Variants in PITPNM2 observed in about 807,000 individuals in gnomAD.
PITPNM2 encodes the protein phosphatidylinositol transfer protein membrane associated 2.
PITPNM2 carries 35 observed loss-of-function variants against 132.2 expected under a neutral mutation model. That is an observed-to-expected ratio of 0.26 (90% confidence interval 0.20 to 0.35). PITPNM2 has a LOEUF of 0.35. Among genes scored for constraint, PITPNM2 ranks in the 10% least tolerant of loss-of-function variants. The pLI is 1.00. For missense variants in PITPNM2, 1,332 were observed against 1,912.0 expected, an observed-to-expected ratio of 0.70 and a Z score of 5.66; for synonymous variants, 738 against 799.2, an observed-to-expected ratio of 0.92 and a Z score of 1.29.
intron 10 of PITPNM2, among the ~76,000 whole-genome samples, chr12:122,997,975 G>C (rs556963932): frequency 6.6e-6 from 1 of 152,344 alleles, no homozygotes; most frequent in South Asian, 2.1e-4. Context: ...GGTTCAGCCT[G>C]TCTTGGCCTT....
At chr12:123,039,667 C>G (rs557158882) in intron 2 of PITPNM2, among the ~76,000 whole-genome samples, 93 of 152,260 alleles carry the variant, frequency 6.1e-4, no homozygotes, top group African/African-American at 2.0e-3. Context: ...ACAGAAAGTA[C>G]AACATCAAGA....
chr12:123,072,081 T>A (rs2041635476), intron 2 of PITPNM2, among the ~76,000 whole-genome samples: 1 of 152,208 alleles, frequency 6.6e-6, no homozygotes, highest in Admixed American at 6.5e-5. Context: ...AGCCACAGGC[T>A]GTGATAATGG....
At chr12:123,112,713 T>C (rs2042864282) in intron 1 of PITPNM2, among the ~76,000 whole-genome samples, 1 of 152,066 alleles carries the variant, frequency 6.6e-6, no homozygotes, top group Non-Finnish European at 1.5e-5. Context: ...AATTTTTTTG[T>C]ATTTTTAGTA....
intron 16 of PITPNM2, among the ~76,000 whole-genome samples, chr12:122,991,322 A>G (rs1319276154): frequency 6.6e-6 from 1 of 152,204 alleles, no homozygotes; most frequent in Non-Finnish European, 1.5e-5. Context: ...CAGACAAGCC[A>G]CACCTGGACG....
intron 2 of PITPNM2, among the ~76,000 whole-genome samples, chr12:123,107,801 C>G (rs1249463632): frequency 9.2e-5 from 14 of 152,164 alleles, no homozygotes; most frequent in Admixed American, 8.5e-4. Context: ...AGTCCAGGAT[C>G]TGGGGGGAAA....
intron 1 of PITPNM2, among the ~76,000 whole-genome samples, chr12:123,114,858 T>C (rs1167581991): frequency 6.6e-6 from 1 of 152,208 alleles, no homozygotes; most frequent in Non-Finnish European, 1.5e-5. Context: ...CTACCGCTGC[T>C]TCACCTCACT....
chr12:123,025,923 G>A (rs1430268509), intron 3 of PITPNM2, among the ~76,000 whole-genome samples: 3 of 152,154 alleles, frequency 2.0e-5, no homozygotes, highest in African/African-American at 7.2e-5. Context: ...TGAGACGATC[G>A]AGGCTATGAG....
intron 2 of PITPNM2, among the ~76,000 whole-genome samples, chr12:123,070,785 A>G (rs1280217191): frequency 6.6e-6 from 1 of 152,174 alleles, no homozygotes; most frequent in East Asian, 1.9e-4. Context: ...GGTTCTTCAG[A>G]CCAGGCTAGT....
chr12:123,042,801 TC>T (rs1348663903), intron 2 of PITPNM2, among the ~76,000 whole-genome samples: 1 of 152,018 alleles, frequency 6.6e-6, no homozygotes, highest in Non-Finnish European at 1.5e-5. Flanking sequence ...CAGACAAGGC[TC>T]CCCAGGCCTC....
intron 2 of PITPNM2, among the ~76,000 whole-genome samples, chr12:123,079,548 T>C (rs1283363208): frequency 6.6e-6 from 1 of 151,952 alleles, no homozygotes; most frequent in Non-Finnish European, 1.5e-5. Context: ...GGTTTCGCCA[T>C]GTTGGCCAGG....
At position 122,986,552 on chromosome 12, in the gene PITPNM2, C is replaced by A; in HGVS notation, c.3610G>T (p.Val1204Leu). The change falls in exon 25 of 26, where the codon GTG becomes TTG. Residue 1204 changes from valine (V) to leucine (L), a missense_variant. Physicochemically the swap from Val to Leu is conservative, Grantham distance 32. Around this residue, in one of 6 missense-constraint regions of PITPNM2, gnomAD observed 251 missense variants for 472.0 expected, o/e 0.53. Coordinates refer to ENST00000320201, the MANE Select transcript of PITPNM2 (RefSeq NM_020845.3). ...TTGGTGGAGCCATAGGCCGCGTGCACGCGCAGGTGCAGCTGTGGGGAGACT... is the reference window on the plus strand; with the variant it reads ...TTGGTGGAGCCATAGGCCGCGTGCAAGCGCAGGTGCAGCTGTGGGGAGACT... ...KLLISELHLR[V>L]HAAYGSTKDV... 6 of 1,597,306 alleles carry A rather than the reference C, an allele frequency of 3.8e-6. No homozygotes were observed. The highest frequency in any genetic ancestry group is 5.1e-6 in the Non-Finnish European group (6 of 1,169,308).
At chr12:123,001,014 C>A (rs546446948) in intron 9 of PITPNM2, 40 bp downstream of exon 9, 6 of 1,583,770 alleles carry the variant, frequency 3.8e-6, no homozygotes, top group Non-Finnish European at 5.2e-6. Flanking sequence ...GCCCTGCAAC[C>A]GCCCTCCCCA....
intron 1 of PITPNM2, among the ~76,000 whole-genome samples, chr12:123,147,028 T>A (rs186674388): frequency 6.6e-6 from 1 of 152,336 alleles, no homozygotes; most frequent in African/African-American, 2.4e-5. Flanking sequence ...AATTCTCTCC[T>A]TTCCCACCAG....
intron 1 of PITPNM2, among the ~76,000 whole-genome samples, chr12:123,148,399 A>G (rs1044775548): frequency 2.0e-5 from 3 of 152,220 alleles, no homozygotes; most frequent in Non-Finnish European, 4.4e-5. Context: ...ATTAAAGAGC[A>G]CACGGCCCTG....
In PITPNM2 at chr12:123,005,405, C is replaced by G. The variant is rs758507082; in HGVS notation, c.787G>C (p.Asp263His). Reference sequence around the variant, plus strand: ...ACGAGCTCAGTGGCCTCCTCACCATCCTCATTGAACTGGGCCATCTTACGG... The same window carrying G: ...ACGAGCTCAGTGGCCTCCTCACCATGCTCATTGAACTGGGCCATCTTACGG... ...LSRKMAQFNE[D>H]GEEATELVKH... The change falls in exon 7 of 26, where the codon GAT becomes CAT. Residue 263 changes from aspartate (D) to histidine (H), a missense_variant. Physicochemically the swap from Asp to His is moderately conservative, Grantham distance 81. Coordinates refer to ENST00000320201, the MANE Select transcript of PITPNM2 (RefSeq NM_020845.3). The surrounding 1 kb of genome is among the most constrained non-coding windows in gnomAD (Gnocchi z 6.2). 6.2e-7 allele frequency: 1 copy of G among 1,614,208 alleles called. No individual in the cohort carries two copies.
chr12:123,106,814 T>C lies in PITPNM2; in HGVS notation c.-96+3571A>G, dbSNP rs2042725293. Among the ~76,000 whole-genome samples the C allele has an allele frequency of 6.6e-6, 1 of 151,992 alleles. No individual in the cohort carries two copies. Among genetic ancestry groups the C allele is most frequent in the Non-Finnish European group, 1.5e-5 (1 of 67,966 alleles). Reference sequence around the variant, plus strand: ...AGCCCTCTACTTCCTCTCCATAACCTCCCCATGCTCTGGGCTCTCTGGGCA... The same window carrying C: ...AGCCCTCTACTTCCTCTCCATAACCCCCCCATGCTCTGGGCTCTCTGGGCA... On this transcript the variant is annotated intron_variant, in intron 2 of 25. Transcript: ENST00000320201. The surrounding 1 kb of genome is among the most constrained non-coding windows in gnomAD (Gnocchi z 4.4).
intron 4 of PITPNM2, 77 bp from the exon 5 acceptor site, chr12:123,012,811 C>T: frequency 2.5e-6 from 4 of 1,569,942 alleles, no homozygotes; most frequent in South Asian, 2.4e-5. Context: ...TGTTGACCCA[C>T]TGGGTAGGAG....
intron 2 of PITPNM2, among the ~76,000 whole-genome samples, chr12:123,053,351 G>A (rs1044982604): frequency 6.6e-6 from 1 of 152,032 alleles, no homozygotes; most frequent in Admixed American, 6.6e-5. Context: ...TGTTCTTACT[G>A]CCGTTTAGTT....
chr12:123,126,062 G>C (rs1014755901), intron 1 of PITPNM2, among the ~76,000 whole-genome samples: 1 of 151,268 alleles, frequency 6.6e-6, no homozygotes, highest in Admixed American at 6.6e-5. Context: ...GTAGAGACAG[G>C]GTTTCACTGT....
Sources: gnomAD v4.1 joint callset for allele counts (sites outside exome capture counted in the v4.1 genomes callset) on GRCh38, gnomAD v4.1.1 for gene constraint, gnomAD v4.1.1 regional missense constraint, Gnocchi (gnomAD v3.1) non-coding constraint, MANE v1.5 for transcripts, NCBI Gene and HGNC (gene_info 2026-07-23, HGNC 2026-07-21) for gene names.